The following EEPD1 variants were observed in gnomAD, a reference collection of about 807,000 sequenced individuals.
The protein encoded by EEPD1 is endonuclease/exonuclease/phosphatase family domain-containing protein 1.
In EEPD1, 17 loss-of-function variants were observed where a neutral mutation model predicts 46.3. The ratio of observed to expected loss-of-function variants is 0.37; its 90% CI spans 0.25 to 0.55. The LOEUF (loss-of-function observed/expected upper bound fraction) is 0.55. EEPD1 is among the 20% of genes least tolerant of loss of function. The pLI is 0.83. For missense variants in EEPD1, 673 were observed against 745.6 expected, an observed-to-expected ratio of 0.90 and a Z score of 1.13; for synonymous variants, 313 against 315.6, an observed-to-expected ratio of 0.99 and a Z score of 0.09.
At chr7:36,238,708 C>T (rs1299445970) in intron 2 of EEPD1, among the ~76,000 whole-genome samples, 3 of 152,196 alleles carry the variant, frequency 2.0e-5, no homozygotes, top group Non-Finnish European at 4.4e-5. Context: ...CATTGGTGTG[C>T]AATTACCTAT....
In EEPD1 at chr7:36,300,021, G is replaced by A. The variant is rs13224904; in HGVS notation, c.*815G>A. 65,069 of 152,330 alleles carry A rather than the reference G, an allele frequency of 0.43. 15,311 individuals are homozygous for A. Among genetic ancestry groups the A allele is most frequent in the East Asian group, 0.6 (3,076 of 5,164 alleles). The allele number at this position is 152,330 out of a possible 1,614,324, so 9.4% of individuals were successfully genotyped here. The stretch of plus-strand genomic sequence containing the variant: ...TCCTTCACCAGCCTGGCTTTTGCCT[G>A]GAGCACTATTTGTTTAGTTCTCTTT... On this transcript the variant is annotated 3_prime_UTR_variant, in exon 8 of 8. Transcript: ENST00000242108.
chr7:36,281,441 C>T (rs1050096779), intron 4 of EEPD1, among the ~76,000 whole-genome samples: 36 of 152,100 alleles, frequency 2.4e-4, no homozygotes, highest in African/African-American at 8.5e-4. Flanking sequence ...GAAATGAGAG[C>T]TTAGGGTGTT....
At chr7:36,236,474 C>T (rs1011687521) in intron 2 of EEPD1, among the ~76,000 whole-genome samples, 3 of 152,242 alleles carry the variant, frequency 2.0e-5, no homozygotes, top group African/African-American at 7.2e-5. Context: ...GTCTCCGTCT[C>T]TTTCTCGTTT....
chr7:36,177,219 A>G (rs1785196385), intron 2 of EEPD1, among the ~76,000 whole-genome samples: 1 of 146,430 alleles, frequency 6.8e-6, no homozygotes, highest in Non-Finnish European at 1.5e-5. Flanking sequence ...TGTGTGCTTT[A>G]AATGACATCT....
intron 3 of EEPD1, among the ~76,000 whole-genome samples, chr7:36,242,276 T>G (rs888523899): frequency 2.0e-5 from 3 of 152,152 alleles, no homozygotes; most frequent in Non-Finnish European, 2.9e-5. Flanking sequence ...CCCATGTTCT[T>G]TCCTATTCCT....
chr7:36,297,650 G>T (rs563916758), intron 7 of EEPD1, among the ~76,000 whole-genome samples: 1 of 152,224 alleles, frequency 6.6e-6, no homozygotes, highest in Admixed American at 6.5e-5. Flanking sequence ...AAACATGCAA[G>T]TGTTGTGTTG....
chr7:36,237,219 C>A (rs181187560), intron 2 of EEPD1, among the ~76,000 whole-genome samples: 32 of 152,270 alleles, frequency 2.1e-4, no homozygotes, highest in African/African-American at 7.2e-4. Context: ...TCCAAACATC[C>A]GAAGGAACAA....
At chr7:36,235,207 TCCCCACAGCCTCCAGCCCAGGCCTC>T (rs1786412354) in intron 2 of EEPD1, among the ~76,000 whole-genome samples, 1 of 72,478 alleles carries the variant, frequency 1.4e-5, no homozygotes, top group African/African-American at 5.4e-5. Context: ...GCCCAGGCCT[TCCCCACAGCCTCCAGCCCAGGCCTC>T]CCCCACAGCA....
intron 3 of EEPD1, among the ~76,000 whole-genome samples, chr7:36,261,538 C>G (rs1786925627): frequency 1.3e-5 from 2 of 152,214 alleles, no homozygotes; most frequent in Non-Finnish European, 2.9e-5. Flanking sequence ...AGTCCACCCT[C>G]AAATACCACT....
intron 3 of EEPD1, among the ~76,000 whole-genome samples, chr7:36,242,546 T>G (rs196536): frequency 0.86 from 130,161 of 152,070 alleles, 56,103 homozygotes; most frequent in Non-Finnish European, 0.9. Context: ...GAAGCAAACA[T>G]TCATCATGAG....
chr7:36,197,289 TG>T (rs1261996532), intron 2 of EEPD1, among the ~76,000 whole-genome samples: 7 of 133,838 alleles, frequency 5.2e-5, no homozygotes, highest in African/African-American at 1.6e-4. Flanking sequence ...GGGAGGGAGG[TG>T]GGGGGGTCAG....
chr7:36,287,508 G>A lies in EEPD1; in HGVS notation c.1177-131G>A, dbSNP rs1450538969. ...AAAGACCTTACATTATTTCCTGGGGGTGTGAGCCAGCCTTGTTCTTGTTTA... is the reference window on the plus strand; with the variant it reads ...AAAGACCTTACATTATTTCCTGGGGATGTGAGCCAGCCTTGTTCTTGTTTA... On this transcript the variant is annotated intron_variant, in intron 5 of 7. Transcript: ENST00000242108. 10 of 1,361,278 alleles carry A rather than the reference G, an allele frequency of 7.3e-6. No individual in the cohort carries two copies. In the South Asian group the frequency reaches 7.4e-5, roughly 10 times the overall value. 84.3% of individuals were successfully genotyped at this position (1,361,278 alleles called of 1,614,324 possible). A position where few individuals can be genotyped will look rare whatever the true frequency, so the allele number is the denominator to read the frequency against.
chr7:36,294,097 C>T (rs1470557998), intron 6 of EEPD1, among the ~76,000 whole-genome samples: 4 of 151,940 alleles, frequency 2.6e-5, no homozygotes, highest in African/African-American at 9.7e-5. Context: ...TAAGTATACA[C>T]GTCTGCTCCT....
intron 3 of EEPD1, among the ~76,000 whole-genome samples, chr7:36,240,165 AG>A (rs1329175800): frequency 6.6e-6 from 1 of 152,104 alleles, no homozygotes; most frequent in Non-Finnish European, 1.5e-5. Context: ...ATTCCGCAGG[AG>A]GCTGAGGCAG....
intron 4 of EEPD1, 92 bp from the exon 5 acceptor site, chr7:36,284,594 A>G: frequency 6.8e-7 from 1 of 1,478,954 alleles, no homozygotes; most frequent in Non-Finnish European, 9.1e-7. Context: ...AGTAGGGCCT[A>G]CTGCCTCTCG....
In EEPD1 at chr7:36,222,545, T is replaced by C. The variant is rs544384453; in HGVS notation, c.879-16440T>C. 4.6e-5 allele frequency among the ~76,000 whole-genome samples: 7 copies of C among 152,350 alleles called. No individual in the cohort carries two copies. The East Asian group carries it at 1.3e-3, about 29-fold the overall frequency. On this transcript the variant is annotated intron_variant, in intron 2 of 7. Coordinates refer to ENST00000242108, the MANE Select transcript of EEPD1 (RefSeq NM_030636.3). ...ACATTATATAATTATGTGATAATTA[T>C]ATAATGTTTGTTGCAGATCCTTCCT...
At chr7:36,202,827 T>A (rs985774244) in intron 2 of EEPD1, among the ~76,000 whole-genome samples, 3 of 152,190 alleles carry the variant, frequency 2.0e-5, no homozygotes, top group Non-Finnish European at 2.9e-5. Flanking sequence ...AGCTTATACG[T>A]GGAGCTGGGA....
chr7:36,232,632 G>A (rs778451651), intron 2 of EEPD1, among the ~76,000 whole-genome samples: 14 of 149,340 alleles, frequency 9.4e-5, no homozygotes, highest in African/African-American at 1.2e-4. Context: ...CTCATATGCC[G>A]ATTTCAGTAG....
At position 36,154,637 on chromosome 7, in the gene EEPD1, A is replaced by G. The variant is rs1199725616; in HGVS notation, c.313A>G (p.Ser105Gly). Residue 105 changes from serine to glycine, a missense_variant, in exon 2 of 8, where the codon AGC (serine) becomes GGC (glycine). Physicochemically the swap from Ser to Gly is moderately conservative, Grantham distance 56. Transcript: ENST00000242108. The surrounding 1 kb of genome is among the most constrained non-coding windows in gnomAD (Gnocchi z 4.2). ...TGAGATCTGTGTGAGCAGCAAGGGCAGCTCAGCGCAGCACTCTCCCAGTTC... is the reference window on the plus strand; with the variant it reads ...TGAGATCTGTGTGAGCAGCAAGGGCGGCTCAGCGCAGCACTCTCCCAGTTC... The part of the protein sequence containing the change: ...KFEICVSSKG[S>G]SAQHSPSSLR... 1 of 1,613,978 alleles carries G rather than the reference A, an allele frequency of 6.2e-7. No individual in the cohort carries two copies. The highest frequency in any genetic ancestry group is 1.7e-5 in the Admixed American group (1 of 60,030).
Sources: gnomAD v4.1 joint callset for allele counts (sites outside exome capture counted in the v4.1 genomes callset) on GRCh38, gnomAD v4.1.1 for gene constraint, Gnocchi (gnomAD v3.1) non-coding constraint, MANE v1.5 for transcripts, NCBI Gene and HGNC (gene_info 2026-07-23, HGNC 2026-07-21) for gene names.